RALGAPA2: variants seen among roughly 807,000 people sequenced by gnomAD.
RALGAPA2 encodes the protein ral GTPase-activating protein subunit alpha-2.
Under a neutral mutation model 230.4 loss-of-function variants are expected in RALGAPA2, and 139 were observed. The ratio of observed to expected loss-of-function variants is 0.60; its 90% CI spans 0.53 to 0.69. The LOEUF is 0.69. RALGAPA2 is among the 30% of genes least tolerant of loss of function. The pLI is 0.00. For missense variants in RALGAPA2, 2,163 were observed against 2,276.0 expected, an observed-to-expected ratio of 0.95 and a Z score of 1.01; for synonymous variants, 847 against 837.8, an observed-to-expected ratio of 1.01 and a Z score of -0.19.
chr20:20,464,135 G>A (rs925570780), intron 37 of RALGAPA2, among the ~76,000 whole-genome samples: 2 of 152,164 alleles, frequency 1.3e-5, no homozygotes, highest in African/African-American at 4.8e-5. Context: ...AGACCCTAGT[G>A]CTTCCTCCAG....
At chr20:20,558,968 A>T (rs2064171596) in intron 23 of RALGAPA2, among the ~76,000 whole-genome samples, 1 of 152,136 alleles carries the variant, frequency 6.6e-6, no homozygotes, top group Admixed American at 6.5e-5. Context: ...TTTTGCCAGG[A>T]TGTTTCCCAG....
chr20:20,454,398 C>T (rs1326145665), intron 37 of RALGAPA2, among the ~76,000 whole-genome samples: 2 of 152,238 alleles, frequency 1.3e-5, no homozygotes, highest in African/African-American at 4.8e-5. Flanking sequence ...ACACTCGTGG[C>T]TCTATTGGCC....
intron 37 of RALGAPA2, among the ~76,000 whole-genome samples, chr20:20,448,935 C>T (rs1241197018): frequency 6.6e-6 from 1 of 151,628 alleles, no homozygotes. Context: ...TCGGTGAGTC[C>T]ATAATTAGCA....
chr20:20,525,531 C>T (rs1297669686), intron 28 of RALGAPA2, among the ~76,000 whole-genome samples: 3 of 152,256 alleles, frequency 2.0e-5, no homozygotes, highest in Non-Finnish European at 4.4e-5. Flanking sequence ...AATATCACTT[C>T]TCTCTCCTTG....
rs2067976959 is a variant in RALGAPA2 at position 20,667,023 on chromosome 20, T to C, written c.270+9213A>G. Among the ~76,000 whole-genome samples the C allele has an allele frequency of 2.0e-5, 3 of 152,174 alleles. No homozygotes were observed. The South Asian group carries it at 6.2e-4, about 32-fold the overall frequency. On this transcript the variant is annotated intron_variant, in intron 3 of 39. Coordinates refer to ENST00000202677, the MANE Select transcript of RALGAPA2 (RefSeq NM_020343.4). Reference sequence around the variant, plus strand: ...TAACTCTAGTTTTTCTTTAGGCAATTCACTATTAGTATCTGAAGTAAAATG... The same window carrying C: ...TAACTCTAGTTTTTCTTTAGGCAATCCACTATTAGTATCTGAAGTAAAATG...
At chr20:20,630,050 G>A (rs1475432879) in intron 9 of RALGAPA2, among the ~76,000 whole-genome samples, 2 of 152,252 alleles carry the variant, frequency 1.3e-5, no homozygotes, top group Non-Finnish European at 2.9e-5. Context: ...GCGGCAGCTT[G>A]ACAGTGGAGT....
At chr20:20,536,935 T>G (rs547275280) in intron 24 of RALGAPA2, among the ~76,000 whole-genome samples, 151 bp from the exon 25 acceptor site, 22 of 152,298 alleles carry the variant, frequency 1.4e-4, no homozygotes, top group African/African-American at 4.8e-4. Context: ...AAAAGAGGTT[T>G]GCCTAAATGA....
At chr20:20,579,199 G>A (rs1486109988) in intron 20 of RALGAPA2, among the ~76,000 whole-genome samples, 4 of 152,090 alleles carry the variant, frequency 2.6e-5, no homozygotes, top group African/African-American at 4.8e-5. Flanking sequence ...ATTGTCTTAT[G>A]TATTATTTCT....
At chr20:20,461,577 T>G (rs2061303151) in intron 37 of RALGAPA2, among the ~76,000 whole-genome samples, 1 of 152,198 alleles carries the variant, frequency 6.6e-6, no homozygotes, top group Non-Finnish European at 1.5e-5. Context: ...CTTCTTTAAA[T>G]TCCACTGAGG....
intron 36 of RALGAPA2, among the ~76,000 whole-genome samples, chr20:20,474,496 T>C (rs979727753): frequency 2.0e-5 from 3 of 152,214 alleles, no homozygotes; most frequent in Non-Finnish European, 4.4e-5. Flanking sequence ...AGGGGAATTA[T>C]GGAGACTAGC....
intron 1 of RALGAPA2, among the ~76,000 whole-genome samples, chr20:20,681,040 G>A (rs919944998): frequency 6.6e-6 from 1 of 152,176 alleles, no homozygotes; most frequent in South Asian, 2.1e-4. Flanking sequence ...CAGGGAGGTC[G>A]GAGCTGACAG....
intron 3 of RALGAPA2, chr20:20,660,059 A>G (rs536050855): frequency 2.3e-5 from 4 of 176,250 alleles, no homozygotes; most frequent in East Asian, 1.6e-4. Flanking sequence ...AGCCTGGCCA[A>G]CGTGGTGAAA....
At chr20:20,625,202 C>A (rs937718442) in intron 10 of RALGAPA2, among the ~76,000 whole-genome samples, 1 of 152,306 alleles carries the variant, frequency 6.6e-6, no homozygotes, top group Middle Eastern at 3.4e-3. Flanking sequence ...TGTACACCCC[C>A]CTGTCTCTCT....
intron 24 of RALGAPA2, among the ~76,000 whole-genome samples, chr20:20,538,322 C>A (rs933337575): frequency 6.6e-6 from 1 of 152,088 alleles, no homozygotes; most frequent in Non-Finnish European, 1.5e-5. Flanking sequence ...CTGCTAAGGG[C>A]CACAGAGGAG....
intron 37 of RALGAPA2, among the ~76,000 whole-genome samples, chr20:20,451,184 T>C (rs574390356): frequency 1.1e-4 from 17 of 152,284 alleles, no homozygotes; most frequent in African/African-American, 2.6e-4. Context: ...AACTGGAATA[T>C]AGAAAGTGAG....
intron 31 of RALGAPA2, among the ~76,000 whole-genome samples, chr20:20,520,385 C>G (rs1428520746): frequency 6.6e-6 from 1 of 152,184 alleles, no homozygotes; most frequent in Non-Finnish European, 1.5e-5. Flanking sequence ...ACAGCAGGCT[C>G]TAAGTCCTGA....
At chr20:20,560,201 A>G (rs1242481997) in intron 23 of RALGAPA2, among the ~76,000 whole-genome samples, 2 of 152,204 alleles carry the variant, frequency 1.3e-5, no homozygotes, top group African/African-American at 4.8e-5. Flanking sequence ...AATAGGTGGC[A>G]CAAGGCACTG....
At chr20:20,671,412 G>C (rs1015946099) in intron 3 of RALGAPA2, among the ~76,000 whole-genome samples, 3 of 152,090 alleles carry the variant, frequency 2.0e-5, no homozygotes, top group Non-Finnish European at 4.4e-5. Context: ...CTCTTCTCAA[G>C]GGAGCCTTTC....
At chr20:20,616,912 AAGT>A (rs1402760708) in intron 12 of RALGAPA2, among the ~76,000 whole-genome samples, 1 of 152,226 alleles carries the variant, frequency 6.6e-6, no homozygotes, top group Non-Finnish European at 1.5e-5. Context: ...TTTAGCATAC[AAGT>A]TCACTGTTCT....
Sources: gnomAD v4.1 joint callset for allele counts (sites outside exome capture counted in the v4.1 genomes callset) on GRCh38, gnomAD v4.1.1 for gene constraint, MANE v1.5 for transcripts, NCBI Gene and HGNC (gene_info 2026-07-23, HGNC 2026-07-21) for gene names.